IMMP2L: variants seen among roughly 807,000 people sequenced by gnomAD.
IMMP2L encodes the protein inner mitochondrial membrane peptidase subunit 2.
A neutral mutation model predicts 19.3 loss-of-function variants in IMMP2L; 18 were observed. The observed-to-expected ratio is 0.93, with a 90% CI of 0.64 to 1.38. The LOEUF is 1.38. IMMP2L is among the 40% of genes most tolerant of loss of function. The pLI, the probability that IMMP2L is intolerant of heterozygous loss-of-function variation, is 0.00. For synonymous variants in IMMP2L, 76 were observed against 73.0 expected, an observed-to-expected ratio of 1.04 and a Z score of -0.21; for missense variants, 233 against 218.2, an observed-to-expected ratio of 1.07 and a Z score of -0.43.
intron 5 of IMMP2L, among the ~76,000 whole-genome samples, chr7:110,674,461 A>C (rs1329684342): frequency 6.6e-6 from 1 of 152,226 alleles, no homozygotes; most frequent in Non-Finnish European, 1.5e-5. Flanking sequence ...ACACTTTTAA[A>C]TCCATTTGAT....
chr7:111,092,576 A>T (rs996029642), intron 3 of IMMP2L, among the ~76,000 whole-genome samples: 18 of 152,194 alleles, frequency 1.2e-4, no homozygotes, highest in Admixed American at 1.1e-3. Flanking sequence ...CTGGTACCAT[A>T]AATATTACTG....
chr7:111,066,290 T>C (rs12705754), intron 3 of IMMP2L, among the ~76,000 whole-genome samples: 115,141 of 151,998 alleles, frequency 0.76, 46,941 homozygotes, highest in Non-Finnish European at 0.9. Flanking sequence ...TGCTAGGCTA[T>C]AAATTCTGAG....
At chr7:111,343,151 T>C (rs189649195) in intron 3 of IMMP2L, among the ~76,000 whole-genome samples, 63 of 152,240 alleles carry the variant, frequency 4.1e-4, no homozygotes, top group African/African-American at 1.4e-3. Context: ...CTTTCCAATC[T>C]ATTATTCACA....
At chr7:111,284,948 T>C (rs540532465) in intron 3 of IMMP2L, among the ~76,000 whole-genome samples, 1 of 152,094 alleles carries the variant, frequency 6.6e-6, no homozygotes, top group Non-Finnish European at 1.5e-5. Flanking sequence ...GAAATGCAAA[T>C]TAATATGTGC....
chr7:111,427,971 A>T (rs10252356), intron 3 of IMMP2L, among the ~76,000 whole-genome samples: 2,455 of 151,872 alleles, frequency 0.016, 140 homozygotes, highest in African/African-American at 0.056. Flanking sequence ...TCATTTTAAA[A>T]TCTGAGTGCT....
intron 3 of IMMP2L, among the ~76,000 whole-genome samples, chr7:111,199,087 AT>A (rs797021249): frequency 1.5e-4 from 23 of 150,360 alleles, no homozygotes; most frequent in African/African-American, 3.4e-4. Flanking sequence ...ATTTGTGTCC[AT>A]TTTTTTTTCA....
At chr7:111,277,182 A>G (rs1350734690) in intron 3 of IMMP2L, among the ~76,000 whole-genome samples, 2 of 152,138 alleles carry the variant, frequency 1.3e-5, no homozygotes, top group Non-Finnish European at 2.9e-5. Flanking sequence ...CAGACAGTCT[A>G]TAGAATGGGA....
At chr7:111,411,182 T>C (rs1834390495) in intron 3 of IMMP2L, 1 of 159,316 alleles carries the variant, frequency 6.3e-6, no homozygotes, top group African/African-American at 2.4e-5. Context: ...ATAACACATG[T>C]CTTGTCAGAA....
chr7:110,699,829 T>C (rs1794144294), intron 5 of IMMP2L, among the ~76,000 whole-genome samples: 1 of 151,170 alleles, frequency 6.6e-6, no homozygotes, highest in South Asian at 2.1e-4. Flanking sequence ...ATTACGTGAG[T>C]CTGTCTTAGC....
chr7:111,495,466 G>A (rs1467208979), intron 2 of IMMP2L, among the ~76,000 whole-genome samples: 1 of 152,050 alleles, frequency 6.6e-6, no homozygotes. Context: ...ACAAAAGTTA[G>A]GCTTTAATCT....
rs1408625701 is a variant in IMMP2L at position 111,213,484 on chromosome 7, G to A, written c.240-249919C>T. On this transcript the variant is annotated intron_variant, in intron 3 of 5. Transcript: ENST00000405709. This position sits in a 1 kb window ranked among gnomAD's most constrained non-coding sequence, Gnocchi z 4.8. The stretch of plus-strand genomic sequence containing the variant: ...TAGCAAGGCCCCACCTTCAAGCTGG[G>A]GAGGGCCTGAAGCCCTCCAGGGGCC... Among the ~76,000 whole-genome samples the A allele has an allele frequency of 6.6e-6, 1 of 152,148 alleles. No homozygotes were observed. Among genetic ancestry groups the A allele is most frequent in the Admixed American group, 6.5e-5 (1 of 15,284 alleles).
chr7:111,549,350 A>T (rs1849230660), intron 1 of IMMP2L, among the ~76,000 whole-genome samples: 2 of 152,174 alleles, frequency 1.3e-5, no homozygotes, highest in Admixed American at 1.3e-4. Flanking sequence ...CTGCTTTCCC[A>T]GAAGGAAAAT....
chr7:110,980,441 C>T (rs1191033600), intron 3 of IMMP2L, among the ~76,000 whole-genome samples: 2 of 151,870 alleles, frequency 1.3e-5, no homozygotes, highest in African/African-American at 4.8e-5. Flanking sequence ...TGGTCTCGAT[C>T]TCCTGACCTC....
intron 3 of IMMP2L, among the ~76,000 whole-genome samples, chr7:111,024,400 C>A (rs1470997706): frequency 6.6e-6 from 1 of 152,108 alleles, no homozygotes; most frequent in Non-Finnish European, 1.5e-5. Flanking sequence ...TATTCTCTCT[C>A]CTACTTTATC....
At chr7:111,052,571 T>C (rs775018189) in intron 3 of IMMP2L, among the ~76,000 whole-genome samples, 17 of 152,180 alleles carry the variant, frequency 1.1e-4, no homozygotes, top group Non-Finnish European at 2.4e-4. Context: ...CCTTACTGTA[T>C]TGATTTATGT....
At chr7:111,414,473 T>C (rs1255307362) in intron 3 of IMMP2L, among the ~76,000 whole-genome samples, 1 of 151,792 alleles carries the variant, frequency 6.6e-6, no homozygotes, top group Non-Finnish European at 1.5e-5. Flanking sequence ...AAGACAAAAT[T>C]GTATAAACAG....
intron 3 of IMMP2L, among the ~76,000 whole-genome samples, chr7:111,137,972 G>A (rs904457139): frequency 6.6e-6 from 1 of 152,084 alleles, no homozygotes; most frequent in Admixed American, 6.5e-5. Flanking sequence ...TTACTGGCAT[G>A]AGCCACCACA....
chr7:111,303,267 G>A (rs896146072), intron 3 of IMMP2L, among the ~76,000 whole-genome samples: 4 of 151,946 alleles, frequency 2.6e-5, no homozygotes, highest in Non-Finnish European at 5.9e-5. Flanking sequence ...TTTCATCATT[G>A]TATCAACTAG....
At chr7:110,715,821 C>T (rs990329670) in intron 5 of IMMP2L, among the ~76,000 whole-genome samples, 1 of 152,036 alleles carries the variant, frequency 6.6e-6, no homozygotes, top group Non-Finnish European at 1.5e-5. Flanking sequence ...AGTTTTCTAA[C>T]CTAACCTCAA....
Sources: allele counts gnomAD v4.1 joint callset (sites outside exome capture counted in the v4.1 genomes callset), GRCh38; gene constraint gnomAD v4.1.1; non-coding constraint Gnocchi (gnomAD v3.1); transcripts MANE v1.5; gene names NCBI Gene and HGNC (gene_info 2026-07-23, HGNC 2026-07-21).